The following NTRK2 variants were observed in gnomAD, a reference collection of about 807,000 sequenced individuals.
NTRK2 encodes the protein BDNF/NT-3 growth factors receptor.
Under a neutral mutation model 94.5 loss-of-function variants are expected in NTRK2, and 13 were observed. The ratio of observed to expected loss-of-function variants is 0.14; its 90% CI spans 0.09 to 0.22. NTRK2 has a LOEUF of 0.22. Among genes scored for constraint, NTRK2 ranks in the 10% least tolerant of loss-of-function variants. The pLI is 1.00. For synonymous variants in NTRK2, 372 were observed against 407.4 expected, an observed-to-expected ratio of 0.91 and a Z score of 1.05; for missense variants, 639 against 1,071.2, an observed-to-expected ratio of 0.60 and a Z score of 5.63.
At chr9:84,712,059 T>A (rs1166126273) in intron 6 of NTRK2, among the ~76,000 whole-genome samples, 1 of 152,202 alleles carries the variant, frequency 6.6e-6, no homozygotes, top group African/African-American at 2.4e-5. Flanking sequence ...AGAAATTCAA[T>A]GTTGAGTCAC....
Position 85,026,849 on chromosome 9 carries a change from G to C in NTRK2, c.*5412G>C, listed in dbSNP as rs2118144595. 4.3e-6 allele frequency: 1 copy of C among 232,282 alleles called. No individual in the cohort carries two copies. The highest frequency in any genetic ancestry group is 1.8e-4 in the South Asian group (1 of 5,504). The allele number at this position is 232,282 out of a possible 1,614,324, so 14.4% of individuals were successfully genotyped here. ...GCTAATACTTACCAGTTCTTGTTTT[G>C]CAATCTGTTTTGAGGTCCATTGCTT... On this transcript the variant is annotated 3_prime_UTR_variant, in exon 19 of 19. Coordinates refer to ENST00000277120, the MANE Select transcript of NTRK2 (RefSeq NM_006180.6).
chr9:84,864,057 G>A (rs1188117501), intron 13 of NTRK2, among the ~76,000 whole-genome samples: 1 of 152,158 alleles, frequency 6.6e-6, no homozygotes, highest in Non-Finnish European at 1.5e-5. Context: ...TTAAGTGAGG[G>A]CTTCGCTGTG....
chr9:84,984,011 C>T (rs1033096773), intron 17 of NTRK2, among the ~76,000 whole-genome samples: 9 of 152,172 alleles, frequency 5.9e-5, no homozygotes, highest in African/African-American at 1.9e-4. Flanking sequence ...GTTGACTCTT[C>T]TTTCGAGCCT....
chr9:84,712,549 T>C (rs1442518513), intron 6 of NTRK2, among the ~76,000 whole-genome samples: 1 of 152,210 alleles, frequency 6.6e-6, no homozygotes, highest in Non-Finnish European at 1.5e-5. Context: ...AGGATGCTTT[T>C]CAAAAAGCAA....
chr9:84,837,917 A>G (rs768804241), intron 12 of NTRK2, among the ~76,000 whole-genome samples: 12 of 152,346 alleles, frequency 7.9e-5, no homozygotes, highest in Non-Finnish European at 1.3e-4. Context: ...AAGAATGCCT[A>G]TATTATTACC....
chr9:84,997,605 G>A (rs1012787905), intron 17 of NTRK2, among the ~76,000 whole-genome samples: 4 of 152,146 alleles, frequency 2.6e-5, no homozygotes, highest in African/African-American at 7.2e-5. Context: ...GCTCCCCTGG[G>A]GCAAGTGAAC....
intron 5 of NTRK2, among the ~76,000 whole-genome samples, chr9:84,708,555 A>G (rs2131802915): frequency 6.6e-6 from 1 of 152,312 alleles, no homozygotes; most frequent in African/African-American, 2.4e-5. Flanking sequence ...CATTGTCCCC[A>G]TTAAACAAAT....
chr9:84,876,266 T>C, intron 14 of NTRK2: 1 of 1,043,746 alleles, frequency 9.6e-7, no homozygotes, highest in Non-Finnish European at 1.2e-6. Context: ...TCAAAACAGC[T>C]AGTCTCCACT....
intron 12 of NTRK2, among the ~76,000 whole-genome samples, chr9:84,815,877 G>A (rs1008932075): frequency 1.3e-5 from 2 of 151,450 alleles, no homozygotes; most frequent in Non-Finnish European, 2.9e-5. Context: ...CAGATTCTGT[G>A]ATAAATTATC....
intron 2 of NTRK2, among the ~76,000 whole-genome samples, chr9:84,700,660 C>G (rs947620271): frequency 6.6e-6 from 1 of 152,174 alleles, no homozygotes; most frequent in Admixed American, 6.5e-5. Context: ...CCTTACTATA[C>G]AGCTTGTCAT....
intron 12 of NTRK2, among the ~76,000 whole-genome samples, chr9:84,834,419 C>T (rs992427811): frequency 1.1e-4 from 16 of 152,128 alleles, no homozygotes; most frequent in African/African-American, 3.6e-4. Context: ...AGGCTGCCCC[C>T]AGGATAATTA....
intron 14 of NTRK2, among the ~76,000 whole-genome samples, chr9:84,914,869 C>G (rs2077347957): frequency 6.6e-6 from 1 of 152,192 alleles, no homozygotes; most frequent in South Asian, 2.1e-4. Context: ...TTCTCTTCAC[C>G]TTTCAGTCTT....
intron 12 of NTRK2, among the ~76,000 whole-genome samples, chr9:84,810,222 T>C (rs1054968366): frequency 5.3e-5 from 8 of 152,226 alleles, no homozygotes; most frequent in Admixed American, 5.2e-4. Flanking sequence ...TGTTTCCTCC[T>C]TAAAGTAAGC....
At chr9:84,821,285 C>A in intron 12 of NTRK2, among the ~76,000 whole-genome samples, 1 of 149,754 alleles carries the variant, frequency 6.7e-6, no homozygotes, top group East Asian at 2.0e-4. Flanking sequence ...TGTGTGTGTG[C>A]GAGAGAGAGA....
rs145654397 is a variant in NTRK2 at position 84,756,212 on chromosome 9, G to A, written c.1396+4127G>A. On this transcript the variant is annotated intron_variant, in intron 12 of 18. Coordinates refer to ENST00000277120, the MANE Select transcript of NTRK2 (RefSeq NM_006180.6). ...TAATTTTAGTTTTCACTGAAGTAGGGCTGAAAGAATTTTCCAGAACAGCTC... is the reference window on the plus strand; with the variant it reads ...TAATTTTAGTTTTCACTGAAGTAGGACTGAAAGAATTTTCCAGAACAGCTC... Among the ~76,000 whole-genome samples, 146 of 152,320 alleles carry A rather than the reference G, an allele frequency of 9.6e-4. 1 individual carries two copies. Among genetic ancestry groups the A allele is most frequent in the African/African-American group, 3.4e-3 (143 of 41,568 alleles).
chr9:84,813,070 A>G, intron 12 of NTRK2: 3 of 1,039,546 alleles, frequency 2.9e-6, no homozygotes, highest in Non-Finnish European at 3.5e-6. Flanking sequence ...TGCTTTTTAG[A>G]GCTTCCTAAT....
At chr9:84,735,368 G>A (rs2063181615) in intron 9 of NTRK2, among the ~76,000 whole-genome samples, 1 of 151,956 alleles carries the variant, frequency 6.6e-6, no homozygotes, top group African/African-American at 2.4e-5. Context: ...TTTGAAAATG[G>A]GCCAAACTAA....
chr9:84,918,750 C>T (rs571125442), intron 14 of NTRK2, among the ~76,000 whole-genome samples: 51 of 152,228 alleles, frequency 3.4e-4, no homozygotes, highest in Non-Finnish European at 5.9e-4. Context: ...TCTTTCGTTC[C>T]GATTATAAAA....
At chr9:84,853,742 C>T (rs1041640028) in intron 12 of NTRK2, among the ~76,000 whole-genome samples, 7 of 152,186 alleles carry the variant, frequency 4.6e-5, no homozygotes, top group African/African-American at 1.7e-4. Flanking sequence ...ACCACCCCAG[C>T]ACTTGACTGC....
Sources: gnomAD v4.1 joint callset for allele counts (sites outside exome capture counted in the v4.1 genomes callset) on GRCh38, gnomAD v4.1.1 for gene constraint, MANE v1.5 for transcripts, NCBI Gene and HGNC (gene_info 2026-07-23, HGNC 2026-07-21) for gene names.